The following EDARADD variants were observed in gnomAD, a reference collection of about 807,000 sequenced individuals.
EDARADD encodes the protein EDAR associated via death domain, also known as ectodysplasin-A receptor-associated adapter protein.
In EDARADD, 20 loss-of-function variants were observed where a neutral mutation model predicts 25.6. The observed-to-expected ratio is 0.78, with a 90% CI of 0.55 to 1.14. The LOEUF (loss-of-function observed/expected upper bound fraction) is 1.14. EDARADD is among the 50% of genes most tolerant of loss of function. The probability of loss-of-function intolerance (pLI) is 0.00; values close to 1 mark genes in which losing one functional copy is unlikely to be tolerated. For missense variants in EDARADD, 225 were observed against 270.1 expected, an observed-to-expected ratio of 0.83 and a Z score of 1.17; for synonymous variants, 86 against 94.4, an observed-to-expected ratio of 0.91 and a Z score of 0.52.
chr1:236,445,699 A>G (rs142313863), intron 4 of EDARADD, among the ~76,000 whole-genome samples: 2 of 152,340 alleles, frequency 1.3e-5, no homozygotes, highest in African/African-American at 4.8e-5. Context: ...GTTGTAAGTC[A>G]CATGACAGTC....
chr1:236,422,434 G>A (rs867888034), intron 3 of EDARADD, among the ~76,000 whole-genome samples: 2 of 152,210 alleles, frequency 1.3e-5, no homozygotes, highest in African/African-American at 4.8e-5. Flanking sequence ...CACAAAGGGT[G>A]CAACTCTTAG....
At chr1:236,429,666 T>C (rs1351422453) in intron 4 of EDARADD, among the ~76,000 whole-genome samples, 1 of 152,138 alleles carries the variant, frequency 6.6e-6, no homozygotes, top group Non-Finnish European at 1.5e-5. Context: ...ATTACAGGCT[T>C]GAGCCACTGC....
chr1:236,429,131 G>T (rs1186147811), intron 4 of EDARADD, among the ~76,000 whole-genome samples: 1 of 151,998 alleles, frequency 6.6e-6, no homozygotes, highest in Non-Finnish European at 1.5e-5. Flanking sequence ...CCGTGCAAAG[G>T]GGAGAGGCGG....
At chr1:236,476,725 A>G (rs773640111) in intron 5 of EDARADD, among the ~76,000 whole-genome samples, 31 of 152,132 alleles carry the variant, frequency 2.0e-4, no homozygotes, top group Non-Finnish European at 4.3e-4. Flanking sequence ...GGGTTTCTCC[A>G]TGTTGGTCAG....
rs1476912628 is a variant in EDARADD, at chr1:236,414,254, C to G, written c.121-6C>G. 5.0e-6 allele frequency: 8 copies of G among 1,609,008 alleles called. No individual in the cohort carries two copies. Among genetic ancestry groups the G allele is most frequent in the Non-Finnish European group, 6.0e-6 (7 of 1,175,714 alleles). On this transcript the variant is annotated splice_region_variant and splice_polypyrimidine_tract_variant and intron_variant, in intron 2 of 5. Coordinates refer to ENST00000334232, the MANE Select transcript of EDARADD (RefSeq NM_145861.4). ...AATAATTCTCCTCTTTTGTTGGTTT[C>G]TACAGTCAGACAAATATCCCATTCA...
At chr1:236,378,472 G>T (rs184021160) in intron 3 of EDARADD, among the ~76,000 whole-genome samples, 1 of 152,272 alleles carries the variant, frequency 6.6e-6, no homozygotes, top group East Asian at 1.9e-4. Flanking sequence ...CCCATCAGTT[G>T]TGGGTCTCTA....
intron 3 of EDARADD, among the ~76,000 whole-genome samples, chr1:236,372,793 T>C (rs1168462296): frequency 6.6e-6 from 1 of 152,206 alleles, no homozygotes; most frequent in Non-Finnish European, 1.5e-5. Context: ...TGGTATAGTA[T>C]TTATTTAAAG....
chr1:236,353,810 A>G (rs599110), intron 3 of EDARADD, among the ~76,000 whole-genome samples: 134,800 of 152,016 alleles, frequency 0.89, 59,856 homozygotes, highest in Non-Finnish European at 0.9. Flanking sequence ...TGGCTTTTCT[A>G]CCTTTTACCC....
intron 3 of EDARADD, among the ~76,000 whole-genome samples, chr1:236,358,856 G>A (rs1667013178): frequency 6.6e-6 from 1 of 152,048 alleles, no homozygotes; most frequent in South Asian, 2.1e-4. Flanking sequence ...TATTGTTTTT[G>A]GGTGGAGAGT....
At position 236,382,096 on chromosome 1, in the gene EDARADD, C is replaced by A. The variant is rs1191277059; in HGVS notation, c.-5-27120C>A. 2.0e-5 allele frequency among the ~76,000 whole-genome samples: 3 copies of A among 151,802 alleles called. No individual in the cohort carries two copies. The East Asian group carries it at 5.8e-4, about 29-fold the overall frequency. On this transcript the variant is annotated intron_variant, in intron 3 of 7. Coordinates refer to the EDARADD transcript ENST00000439430. ...TTCCTCAAATTTAAAAAATTTTTGG[C>A]CATTATTTCTTCAAACATTTTTGTC...
At chr1:236,468,332 G>C (rs951948861) in intron 5 of EDARADD, 56 bp downstream of exon 5, 2 of 1,579,472 alleles carry the variant, frequency 1.3e-6, no homozygotes, top group Admixed American at 3.3e-5. Context: ...CTGAATAAAA[G>C]ATAATTTGAG....
chr1:236,469,854 G>A (rs1416918553), intron 5 of EDARADD, among the ~76,000 whole-genome samples: 2 of 151,784 alleles, frequency 1.3e-5, no homozygotes, highest in Non-Finnish European at 1.5e-5. Context: ...GGAGTGCAAT[G>A]GTGCGCCACC....
intron 4 of EDARADD, among the ~76,000 whole-genome samples, chr1:236,463,983 G>T (rs959563373): frequency 1.3e-5 from 2 of 152,184 alleles, no homozygotes; most frequent in African/African-American, 4.8e-5. Context: ...CAGACCGGGG[G>T]TTTGGAGAAG....
chr1:236,357,543 C>T (rs632508), intron 3 of EDARADD, among the ~76,000 whole-genome samples: 51,912 of 151,894 alleles, frequency 0.34, 9,118 homozygotes, highest in African/African-American at 0.42. Context: ...GCTTTACAAG[C>T]GTGGCACCAG....
At chr1:236,447,563 C>T (rs1362801863) in intron 4 of EDARADD, among the ~76,000 whole-genome samples, 1 of 152,152 alleles carries the variant, frequency 6.6e-6, no homozygotes, top group Non-Finnish European at 1.5e-5. Context: ...CCTGCTGCAT[C>T]ACTTTGCACA....
chr1:236,363,006 A>AAAAAAATATATATATATATATATATATAT (rs1377112051), intron 3 of EDARADD, among the ~76,000 whole-genome samples: 1 of 42,950 alleles, frequency 2.3e-5, no homozygotes, highest in African/African-American at 1.1e-4. Context: ...AAAAAAAAAA[A>AAAAAAATATATATATATATATATATATAT]ATATATATAT....
intron 4 of EDARADD, among the ~76,000 whole-genome samples, chr1:236,437,615 T>C (rs973847438): frequency 2.6e-5 from 4 of 152,008 alleles, no homozygotes; most frequent in African/African-American, 9.7e-5. Context: ...TTCTAAAATG[T>C]TGGTGTTGGT....
intron 1 of EDARADD, among the ~76,000 whole-genome samples, chr1:236,406,442 A>G (rs1188407922): frequency 1.3e-5 from 2 of 152,162 alleles, no homozygotes; most frequent in Non-Finnish European, 2.9e-5. Flanking sequence ...TCACTTACAC[A>G]AACCTAGATG....
At position 236,398,746 on chromosome 1, in the gene EDARADD, A is replaced by C. The variant is rs1667564465; in HGVS notation, c.61+4241A>C. On this transcript the variant is annotated intron_variant, in intron 1 of 5. Coordinates refer to ENST00000334232, the MANE Select transcript of EDARADD (RefSeq NM_145861.4). The surrounding 1 kb of genome is among the most constrained non-coding windows in gnomAD (Gnocchi z 4.1). ...ACTTAACCTCCAGATTTCAGCTCAT[A>C]GGTCACCGGGATCCAGCCCGATGTT... 6.6e-6 allele frequency among the ~76,000 whole-genome samples: 1 copy of C among 152,156 alleles called. No homozygotes were observed. Among genetic ancestry groups the C allele is most frequent in the Non-Finnish European group, 1.5e-5 (1 of 68,020 alleles).
Sources: allele counts gnomAD v4.1 joint callset (sites outside exome capture counted in the v4.1 genomes callset), GRCh38; gene constraint gnomAD v4.1.1; non-coding constraint Gnocchi (gnomAD v3.1); transcripts MANE v1.5; gene names NCBI Gene and HGNC (gene_info 2026-07-23, HGNC 2026-07-21).